The following STX8 variants were observed in gnomAD, a reference collection of about 807,000 sequenced individuals.
STX8 encodes the protein syntaxin 8.
A neutral mutation model predicts 37.5 loss-of-function variants in STX8; 23 were observed. The ratio of observed to expected loss-of-function variants is 0.61; its 90% CI spans 0.44 to 0.87. STX8 has a LOEUF of 0.87. Ranked by LOEUF, STX8 falls within the 40% of genes least tolerant of loss-of-function variation. STX8 has a pLI of 0.00. For synonymous variants in STX8, 115 were observed against 99.1 expected (o/e 1.16, Z -0.95); for missense variants, 313 against 284.7 (o/e 1.10, Z -0.71).
rs541581545 is a variant in STX8 at position 9,269,048 on chromosome 17, A to T, written c.644-18403T>A. ...TAAAAATACAAAAAATTAGCTGGGC[A>T]TGGTGGCGGGCGCCTGTAGTCCCAG... On this transcript the variant is annotated intron_variant, in intron 7 of 7. Transcript: ENST00000306357. Among the ~76,000 whole-genome samples the T allele has an allele frequency of 2.4e-3, 369 of 151,884 alleles. 3 individuals carry two copies. Among genetic ancestry groups the T allele is most frequent in the Non-Finnish European group, 1.8e-3 (120 of 67,840 alleles).
rs1295875919 is a variant in STX8 at position 9,366,383 on chromosome 17, C to T, written c.643+12169G>A. ...GGTAGCTGGGACTACAGGCATGTAC[C>T]GCCATGCCTGGCTAATTTGTGTATT... On this transcript the variant is annotated intron_variant, in intron 7 of 7. Transcript: ENST00000306357. Among the ~76,000 whole-genome samples, 4 of 152,166 alleles carry T rather than the reference C, an allele frequency of 2.6e-5. No individual in the cohort carries two copies. In the East Asian group the frequency reaches 5.8e-4, roughly 22 times the overall value.
At chr17:9,436,309 C>T (rs1295296308) in intron 6 of STX8, among the ~76,000 whole-genome samples, 2 of 150,294 alleles carry the variant, frequency 1.3e-5, no homozygotes, top group Non-Finnish European at 1.5e-5. Flanking sequence ...CGTGCCACTG[C>T]GCTCCAGCTT....
intron 6 of STX8, among the ~76,000 whole-genome samples, chr17:9,388,493 A>T (rs1567807880): frequency 6.6e-6 from 1 of 151,912 alleles, no homozygotes; most frequent in East Asian, 1.9e-4. Context: ...CCATGTGTTC[A>T]CTACAATTTG....
chr17:9,250,783 C>A lies in STX8; in HGVS notation c.644-138G>T, dbSNP rs796894283. ...TTTGTACGAAGTGGAGAGAGGTGGT[C>A]GGTGGCCTGGGGCGCCGCTGCTGCT... On this transcript the variant is annotated intron_variant, in intron 7 of 7. Coordinates refer to ENST00000306357, the MANE Select transcript of STX8 (RefSeq NM_004853.3). The A allele has an allele frequency of 1.1e-5, 10 of 915,214 alleles. No individual in the cohort carries two copies. In the African/African-American group the frequency reaches 1.7e-4, roughly 15 times the overall value. 56.7% of individuals were successfully genotyped at this position (915,214 alleles called of 1,614,324 possible).
chr17:9,261,956 G>T (rs544330305), intron 7 of STX8, among the ~76,000 whole-genome samples: 1 of 152,284 alleles, frequency 6.6e-6, no homozygotes, highest in African/African-American at 2.4e-5. Context: ...ATTCCTGCAA[G>T]GTTCCAGTCA....
intron 6 of STX8, among the ~76,000 whole-genome samples, chr17:9,380,258 T>G (rs997009698): frequency 6.9e-6 from 1 of 144,876 alleles, no homozygotes; most frequent in Non-Finnish European, 1.5e-5. Flanking sequence ...CTGTGTGTTT[T>G]TTTTTTTTTT....
chr17:9,556,598 C>A (rs962151503), intron 3 of STX8, among the ~76,000 whole-genome samples: 2 of 151,594 alleles, frequency 1.3e-5, no homozygotes, highest in African/African-American at 4.9e-5. Flanking sequence ...TGCACCACCA[C>A]GCCCAGCTAA....
intron 6 of STX8, among the ~76,000 whole-genome samples, chr17:9,488,819 A>T (rs151297887): frequency 0.039 from 3,617 of 92,370 alleles, 118 homozygotes; most frequent in African/African-American, 0.12. Context: ...AGAGAGAGAG[A>T]GAGTGTGTGT....
intron 1 of STX8, among the ~76,000 whole-genome samples, chr17:9,572,276 C>T (rs8079523): frequency 0.72 from 109,803 of 152,080 alleles, 40,910 homozygotes; most frequent in East Asian, 0.98. Flanking sequence ...TTACCACTTG[C>T]TTTGATAGGC....
At chr17:9,409,340 A>G (rs1912906141) in intron 6 of STX8, among the ~76,000 whole-genome samples, 1 of 152,176 alleles carries the variant, frequency 6.6e-6, no homozygotes, top group South Asian at 2.1e-4. Context: ...TGAAAGTGCT[A>G]AGGAGAATCT....
intron 6 of STX8, among the ~76,000 whole-genome samples, chr17:9,386,958 C>T (rs986347591): frequency 7.9e-5 from 12 of 152,008 alleles, no homozygotes; most frequent in African/African-American, 2.9e-4. Flanking sequence ...CAACCTCCAC[C>T]TCCCGGGTTC....
In STX8 at chr17:9,467,660, A is replaced by G. The variant is rs1001216777; in HGVS notation, c.541+24169T>C. ...GGCTTCCATGCACTCTTGCTTCACC[A>G]AAGTGCAGGGGAAACCCTTTCCCCT... On this transcript the variant is annotated intron_variant, in intron 6 of 7. Transcript: ENST00000306357. Among the ~76,000 whole-genome samples the G allele has an allele frequency of 2.6e-4, 39 of 152,302 alleles. No homozygotes were observed. In the Middle Eastern group the frequency reaches 0.01, roughly 40 times the overall value.
intron 6 of STX8, among the ~76,000 whole-genome samples, chr17:9,428,342 G>A (rs975236105): frequency 2.4e-4 from 37 of 152,314 alleles, no homozygotes; most frequent in South Asian, 2.1e-3. Context: ...CCGGGTTCAT[G>A]CCATTCTCCT....
intron 4 of STX8, among the ~76,000 whole-genome samples, chr17:9,510,066 T>C (rs1257289441): frequency 1.3e-5 from 2 of 152,132 alleles, no homozygotes; most frequent in Non-Finnish European, 2.9e-5. Flanking sequence ...AAGGGATCAA[T>C]TCAACAAGAG....
At chr17:9,253,827 G>A (rs1435837585) in intron 7 of STX8, among the ~76,000 whole-genome samples, 2 of 152,210 alleles carry the variant, frequency 1.3e-5, no homozygotes, top group African/African-American at 4.8e-5. Context: ...ATTATGAGAA[G>A]AGCGGAGCAA....
intron 7 of STX8, among the ~76,000 whole-genome samples, chr17:9,329,050 CAA>C (rs998679728): frequency 1.4e-3 from 38 of 27,978 alleles, no homozygotes; most frequent in Non-Finnish European, 1.5e-3. Flanking sequence ...GATTCCATCT[CAA>C]AAAAAAAAAA....
At chr17:9,501,831 T>C (rs1342421955) in intron 5 of STX8, among the ~76,000 whole-genome samples, 1 of 151,870 alleles carries the variant, frequency 6.6e-6, no homozygotes, top group African/African-American at 2.4e-5. Context: ...TAGCCAGGCA[T>C]GGTGGTGGGT....
intron 7 of STX8, among the ~76,000 whole-genome samples, chr17:9,325,598 G>T (rs1385776533): frequency 1.3e-5 from 2 of 152,226 alleles, no homozygotes; most frequent in Admixed American, 1.3e-4. Context: ...TTCATTTTGC[G>T]ATGGGCTGCG....
intron 3 of STX8, among the ~76,000 whole-genome samples, chr17:9,556,510 C>T (rs892221407): frequency 1.3e-5 from 2 of 151,856 alleles, no homozygotes; most frequent in Non-Finnish European, 2.9e-5. Flanking sequence ...GGCACGATCT[C>T]GGCTCACTGC....
Sources: gnomAD v4.1 joint callset for allele counts (sites outside exome capture counted in the v4.1 genomes callset) on GRCh38, gnomAD v4.1.1 for gene constraint, MANE v1.5 for transcripts, NCBI Gene and HGNC (gene_info 2026-07-23, HGNC 2026-07-21) for gene names.